ATG10: variants seen among roughly 807,000 people sequenced by gnomAD.
ATG10 encodes autophagy related 10.
In ATG10, 30 loss-of-function variants were observed where a neutral mutation model predicts 32.1. That is an observed-to-expected ratio of 0.94 (90% CI 0.70 to 1.27). The LOEUF is 1.27. Ranked by LOEUF, ATG10 falls within the 50% of genes most tolerant of loss-of-function variation. The pLI is 0.00. For missense variants in ATG10, 233 were observed against 262.3 expected, an observed-to-expected ratio of 0.89 and a Z score of 0.77; for synonymous variants, 87 against 91.5, an observed-to-expected ratio of 0.95 and a Z score of 0.28.
chr5:81,973,760 A>T (rs1173594502), intron 1 of ATG10, among the ~76,000 whole-genome samples: 1 of 152,218 alleles, frequency 6.6e-6, no homozygotes, highest in Non-Finnish European at 1.5e-5. Flanking sequence ...GAAATGTTAC[A>T]GAACTTTGAC....
chr5:82,172,014 A>G (rs1743826552), intron 4 of ATG10, among the ~76,000 whole-genome samples: 1 of 152,186 alleles, frequency 6.6e-6, no homozygotes, highest in Non-Finnish European at 1.5e-5. Context: ...AAAAGGCACC[A>G]GGGCTTGGAG....
At chr5:82,049,897 AC>A (rs1384288633) in intron 2 of ATG10, among the ~76,000 whole-genome samples, 5 of 152,174 alleles carry the variant, frequency 3.3e-5, no homozygotes, top group Admixed American at 3.3e-4. Flanking sequence ...GTGAACTGTT[AC>A]TTTTTCTTTC....
At chr5:82,063,618 G>A (rs1000686625) in intron 3 of ATG10, among the ~76,000 whole-genome samples, 3 of 151,560 alleles carry the variant, frequency 2.0e-5, no homozygotes, top group African/African-American at 4.9e-5. Flanking sequence ...TCAGCCTCCC[G>A]AGTAGCTGGG....
At chr5:82,118,384 GTACATATATATATATATA>G (rs2149822923) in intron 3 of ATG10, among the ~76,000 whole-genome samples, 1 of 18,778 alleles carries the variant, frequency 5.3e-5, no homozygotes, top group African/African-American at 2.7e-4. Context: ...TATAATATAT[GTACATATATATATATATA>G]TATGTATGTA....
intron 2 of ATG10, among the ~76,000 whole-genome samples, chr5:82,002,183 G>C (rs1369735326): frequency 6.6e-6 from 1 of 152,220 alleles, no homozygotes; most frequent in Non-Finnish European, 1.5e-5. Context: ...CTTATACACT[G>C]CTGGTGGGAA....
chr5:82,010,824 G>A (rs1762108333), intron 2 of ATG10, among the ~76,000 whole-genome samples: 1 of 152,152 alleles, frequency 6.6e-6, no homozygotes, highest in Admixed American at 6.5e-5. Context: ...AACAAGTTGT[G>A]CACTATAGCA....
rs907465677 is a variant in ATG10 at position 82,131,069 on chromosome 5, G to A, written c.217-33330G>A. On this transcript the variant is annotated intron_variant, in intron 3 of 7. Transcript: ENST00000282185. Reference sequence around the variant, plus strand: ...TGGGCACAATAGACACTATGGACTAGTAGGGGGTGGAAGGAGTGGGGTAGG... The same window carrying A: ...TGGGCACAATAGACACTATGGACTAATAGGGGGTGGAAGGAGTGGGGTAGG... 1.3e-5 allele frequency among the ~76,000 whole-genome samples: 2 copies of A among 152,112 alleles called. 1 individual carries two copies. Among genetic ancestry groups the A allele is most frequent in the East Asian group, 3.9e-4 (2 of 5,150 alleles).
At chr5:82,049,531 C>T (rs1763339460) in intron 2 of ATG10, among the ~76,000 whole-genome samples, 4 of 151,524 alleles carry the variant, frequency 2.6e-5, no homozygotes, top group Admixed American at 2.0e-4. Context: ...GCACATGTAC[C>T]CTAAAACTTA....
intron 5 of ATG10, among the ~76,000 whole-genome samples, chr5:82,200,463 CTTTTTTTTTTTTTTT>C (rs764388608): frequency 0.04 from 2,092 of 52,862 alleles, 86 homozygotes; most frequent in African/African-American, 0.14. Flanking sequence ...TCCCTAACTT[CTTTTTTTTTTTTTTT>C]TTTTTTTTTT....
intron 3 of ATG10, among the ~76,000 whole-genome samples, chr5:82,117,742 A>G (rs140559724): frequency 9.9e-4 from 151 of 152,294 alleles, no homozygotes; most frequent in African/African-American, 3.3e-3. Flanking sequence ...AGAAAGGAAG[A>G]TCTCCGAGAA....
chr5:82,021,928 C>A (rs1363617685), intron 2 of ATG10, among the ~76,000 whole-genome samples: 3 of 151,546 alleles, frequency 2.0e-5, no homozygotes, highest in Non-Finnish European at 4.4e-5. Flanking sequence ...GAGGCTGAGG[C>A]AGGAGAATCG....
chr5:82,105,451 T>G (rs946027214), intron 3 of ATG10, among the ~76,000 whole-genome samples: 3 of 152,140 alleles, frequency 2.0e-5, no homozygotes, highest in Non-Finnish European at 4.4e-5. Flanking sequence ...CTGTTAAATC[T>G]TTTGGGATGT....
At chr5:82,147,552 A>C (rs1184509949) in intron 3 of ATG10, 1 of 152,374 alleles carries the variant, frequency 6.6e-6, no homozygotes, top group African/African-American at 2.4e-5. Flanking sequence ...GTTAGACTCA[A>C]ATTGCAAACT....
At chr5:82,237,310 C>T (rs1746600585) in intron 5 of ATG10, among the ~76,000 whole-genome samples, 1 of 152,086 alleles carries the variant, frequency 6.6e-6, no homozygotes, top group South Asian at 2.1e-4. Flanking sequence ...CTGAGTTCTG[C>T]CCGTCCTTTA....
At chr5:82,251,530 T>G (rs1196203579) in intron 5 of ATG10, among the ~76,000 whole-genome samples, 1 of 152,134 alleles carries the variant, frequency 6.6e-6, no homozygotes, top group Non-Finnish European at 1.5e-5. Flanking sequence ...CATGGGACAG[T>G]TGGCTGGAGC....
intron 5 of ATG10, among the ~76,000 whole-genome samples, chr5:82,221,047 G>A (rs1429094695): frequency 6.6e-6 from 1 of 152,180 alleles, no homozygotes; most frequent in Non-Finnish European, 1.5e-5. Flanking sequence ...ATGAGCCACT[G>A]TGCCCGGCCT....
At chr5:82,180,629 C>T (rs571580295) in intron 5 of ATG10, among the ~76,000 whole-genome samples, 1 of 152,244 alleles carries the variant, frequency 6.6e-6, no homozygotes, top group Non-Finnish European at 1.5e-5. Context: ...TCCTTATCCA[C>T]AAGACCCAGA....
At chr5:81,988,326 A>G (rs959008334) in intron 2 of ATG10, among the ~76,000 whole-genome samples, 7 of 151,444 alleles carry the variant, frequency 4.6e-5, no homozygotes, top group African/African-American at 1.5e-4. Context: ...TTTAGTAGAG[A>G]TGGGGTTTTG....
At chr5:82,152,811 G>A (rs1767656465) in intron 3 of ATG10, among the ~76,000 whole-genome samples, 1 of 152,106 alleles carries the variant, frequency 6.6e-6, no homozygotes, top group South Asian at 2.1e-4. Context: ...ACACATATTA[G>A]GGTTGAGTGC....
Sources: gnomAD v4.1 joint callset for allele counts (sites outside exome capture counted in the v4.1 genomes callset) on GRCh38, gnomAD v4.1.1 for gene constraint, MANE v1.5 for transcripts, NCBI Gene and HGNC (gene_info 2026-07-23, HGNC 2026-07-21) for gene names.